The following GLIS1 variants were observed in gnomAD, a reference collection of about 807,000 sequenced individuals.
The protein encoded by GLIS1 is zinc finger protein GLIS1.
In GLIS1, 24 loss-of-function variants were observed where a neutral mutation model predicts 63.8. The observed-to-expected ratio is 0.38, with a 90% CI of 0.27 to 0.53. GLIS1 has a LOEUF of 0.53. GLIS1 is among the 20% of genes least tolerant of loss of function. GLIS1 has a pLI of 0.85. For synonymous variants in GLIS1, 450 were observed against 482.5 expected (o/e 0.93, Z 0.88); for missense variants, 1,036 against 1,074.1 (o/e 0.96, Z 0.50).
At chr1:53,658,024 G>T (rs922775972) in intron 2 of GLIS1, among the ~76,000 whole-genome samples, 2 of 151,942 alleles carry the variant, frequency 1.3e-5, no homozygotes, top group African/African-American at 4.8e-5. Flanking sequence ...AGCCCTGTGG[G>T]GTCTTGATCA....
chr1:53,518,939 C>T (rs919357476), intron 7 of GLIS1, among the ~76,000 whole-genome samples: 3 of 152,218 alleles, frequency 2.0e-5, no homozygotes, highest in Non-Finnish European at 2.9e-5. Context: ...ATTCCTTCTC[C>T]TGCCCAGGCC....
At position 53,616,904 on chromosome 1, in the gene GLIS1, C is replaced by T. The variant is rs1233429186; in HGVS notation, c.260-16626G>A. Among the ~76,000 whole-genome samples, 5 of 152,142 alleles carry T rather than the reference C, an allele frequency of 3.3e-5. No individual in the cohort carries two copies. The East Asian group carries it at 7.7e-4, about 23-fold the overall frequency. On this transcript the variant is annotated intron_variant, in intron 2 of 10. Transcript: ENST00000628545. The stretch of plus-strand genomic sequence containing the variant: ...GAAAGGGCTACTGGGGAAGTCACAG[C>T]TTTGGCTTCTGAAAAATCCCACCCC...
At chr1:53,711,606 T>C (rs7539908) in intron 2 of GLIS1, among the ~76,000 whole-genome samples, 24,894 of 152,210 alleles carry the variant, frequency 0.16, 2,285 homozygotes, top group Non-Finnish European at 0.21. Context: ...TTAGTCCTTA[T>C]GCAAGTGACT....
At chr1:53,687,537 C>T (rs554050524) in intron 2 of GLIS1, among the ~76,000 whole-genome samples, 49 of 152,282 alleles carry the variant, frequency 3.2e-4, no homozygotes, top group Admixed American at 1.1e-3. Context: ...CTGTGAGAGC[C>T]GAGGAGCTTC....
chr1:53,548,046 G>A (rs1011815354), intron 4 of GLIS1, among the ~76,000 whole-genome samples: 2 of 152,142 alleles, frequency 1.3e-5, no homozygotes, highest in East Asian at 1.9e-4. Flanking sequence ...TCTCCCTCCC[G>A]CCTCCCTGCT....
intron 4 of GLIS1, among the ~76,000 whole-genome samples, chr1:53,586,613 A>G (rs1645138182): frequency 1.3e-5 from 2 of 152,206 alleles, no homozygotes; most frequent in Non-Finnish European, 2.9e-5. Flanking sequence ...CCCCAATTTC[A>G]TAGGTAAGAA....
At chr1:53,671,501 C>A (rs1646151502) in intron 2 of GLIS1, among the ~76,000 whole-genome samples, 1 of 152,178 alleles carries the variant, frequency 6.6e-6, no homozygotes, top group Non-Finnish European at 1.5e-5. Context: ...AAACGAGAGG[C>A]CCATGGCCCC....
intron 4 of GLIS1, among the ~76,000 whole-genome samples, chr1:53,531,407 C>T (rs1644529351): frequency 6.6e-6 from 1 of 152,200 alleles, no homozygotes; most frequent in African/African-American, 2.4e-5. Flanking sequence ...CTCTGGGGCT[C>T]ACCTGCGGGG....
rs761790494 is a variant in GLIS1, at chr1:53,594,664, G to C, written c.764C>G (p.Pro255Arg). ...GGAGGTGACGTCGGAGGAGGCACAG[G>C]GTGAGGAGGAGGCTGGGGAGGTGGG... ...LPPTSPASSSPCASSDVTSII... is the reference protein window; with the variant it reads ...LPPTSPASSSRCASSDVTSII... The change falls in exon 4 of 11, where the codon CCC (proline) becomes CGC (arginine). Residue 255 changes from proline (P) to arginine (R), a missense_variant. This residue lies in a region of GLIS1 where 592 missense variants were observed against 593.9 expected (regional missense o/e 1.00). Transcript: ENST00000628545. 3 of 1,556,120 alleles carry C rather than the reference G, an allele frequency of 1.9e-6. No homozygotes were observed. Among genetic ancestry groups the C allele is most frequent in the Non-Finnish European group, 2.6e-6 (3 of 1,148,418 alleles).
chr1:53,542,189 C>T (rs962728942), intron 4 of GLIS1, among the ~76,000 whole-genome samples: 1 of 152,216 alleles, frequency 6.6e-6, no homozygotes, highest in Admixed American at 6.5e-5. Context: ...CCTGATGGGC[C>T]TCGGTTTTCA....
intron 2 of GLIS1, among the ~76,000 whole-genome samples, chr1:53,637,702 A>G (rs12045240): frequency 0.49 from 74,445 of 151,916 alleles, 21,486 homozygotes; most frequent in Non-Finnish European, 0.63. Flanking sequence ...TCCACATCCA[A>G]CATACAAGGG....
In GLIS1 at chr1:53,733,241, C is replaced by T. The variant is rs531878877; in HGVS notation, c.259+4565G>A. Reference sequence around the variant, plus strand: ...GTGTGCTGGCTCACTAAGCTTCTCACGCAAATGAAACGCAGGGAGATGAGT... The same window carrying T: ...GTGTGCTGGCTCACTAAGCTTCTCATGCAAATGAAACGCAGGGAGATGAGT... On this transcript the variant is annotated intron_variant, in intron 2 of 10. Transcript: ENST00000628545. Among the ~76,000 whole-genome samples the T allele has an allele frequency of 7.2e-5, 11 of 152,278 alleles. No individual in the cohort carries two copies. In the South Asian group the frequency reaches 1.9e-3, roughly 26 times the overall value.
chr1:53,521,539 A>C (rs1251133395), intron 6 of GLIS1, among the ~76,000 whole-genome samples: 1 of 152,116 alleles, frequency 6.6e-6, no homozygotes, highest in Non-Finnish European at 1.5e-5. Context: ...GCCTCACCCC[A>C]GGCTGCCATG....
intron 2 of GLIS1, among the ~76,000 whole-genome samples, chr1:53,699,059 TTA>T (rs908245412): frequency 1.5e-4 from 21 of 139,956 alleles, no homozygotes; most frequent in African/African-American, 5.7e-4. Flanking sequence ...TGTTTGTTTT[TTA>T]TTTTTATTTT....
chr1:53,612,806 T>C (rs973811163), intron 2 of GLIS1, among the ~76,000 whole-genome samples: 1 of 145,676 alleles, frequency 6.9e-6, no homozygotes, highest in Admixed American at 7.3e-5. Flanking sequence ...GCTGTCTCAT[T>C]AGTTCTTTGA....
intron 2 of GLIS1, among the ~76,000 whole-genome samples, chr1:53,617,104 G>T (rs891803634): frequency 2.0e-5 from 3 of 151,954 alleles, no homozygotes; most frequent in African/African-American, 4.8e-5. Context: ...CGCTCAGCCC[G>T]CCAGGAACAA....
At chr1:53,688,415 G>A (rs565088373) in intron 2 of GLIS1, among the ~76,000 whole-genome samples, 1 of 152,168 alleles carries the variant, frequency 6.6e-6, no homozygotes, top group African/African-American at 2.4e-5. Context: ...CCGAGCCAGG[G>A]ACTAGGGACT....
intron 5 of GLIS1, among the ~76,000 whole-genome samples, chr1:53,529,573 G>C (rs1644507490): frequency 6.6e-6 from 1 of 152,194 alleles, no homozygotes; most frequent in Non-Finnish European, 1.5e-5. Context: ...TTGCGACTGG[G>C]AGTGGGAACA....
At chr1:53,722,409 A>G (rs1646764805) in intron 2 of GLIS1, among the ~76,000 whole-genome samples, 1 of 152,208 alleles carries the variant, frequency 6.6e-6, no homozygotes, top group African/African-American at 2.4e-5. Context: ...ATTTGTTTGT[A>G]TTCACATAAA....
Sources: gnomAD v4.1 joint callset for allele counts (sites outside exome capture counted in the v4.1 genomes callset) on GRCh38, gnomAD v4.1.1 for gene constraint, gnomAD v4.1.1 regional missense constraint, MANE v1.5 for transcripts, NCBI Gene and HGNC (gene_info 2026-07-23, HGNC 2026-07-21) for gene names.